Variants in ACSBG1 observed in about 807,000 individuals in gnomAD.
ACSBG1 encodes the protein long-chain-fatty-acid--CoA ligase ACSBG1.
Under a neutral mutation model 80.2 loss-of-function variants are expected in ACSBG1, and 39 were observed. That is an observed-to-expected ratio of 0.49 (90% confidence interval 0.38 to 0.64). ACSBG1 has a LOEUF of 0.64. ACSBG1 is among the 30% of genes least tolerant of loss of function. ACSBG1 has a pLI of 0.00. For synonymous variants in ACSBG1, 392 were observed against 379.5 expected (o/e 1.03, Z -0.38); for missense variants, 828 against 966.4 (o/e 0.86, Z 1.90).
rs186658094 is a variant in ACSBG1 at position 78,202,335 on chromosome 15, C to T, written c.232+5667G>A. Among the ~76,000 whole-genome samples the T allele has an allele frequency of 3.8e-4, 58 of 152,226 alleles. 1 individual carries two copies. In the East Asian group the frequency reaches 0.011, roughly 28 times the overall value. ...AAGCGATTCCCCCGCCTCAGCCTCC[C>T]GAGTAGCTGGGACTACAGGTGCGTG... On this transcript the variant is annotated intron_variant, in intron 2 of 13. Transcript: ENST00000258873.
At position 78,173,112 on chromosome 15, in the gene ACSBG1, G is replaced by A. The variant is rs555106407; in HGVS notation, c.2089+481C>T. ...TGTAATCCCAGCACTTTGGGAGGCC[G>A]AGGCGGGCGGATCACCTGAGGTCGG... On this transcript the variant is annotated intron_variant, in intron 13 of 13. Coordinates refer to ENST00000258873, the MANE Select transcript of ACSBG1 (RefSeq NM_015162.5). Among the ~76,000 whole-genome samples, 30 of 152,168 alleles carry A rather than the reference G, an allele frequency of 2.0e-4. 1 individual carries two copies. In the South Asian group the frequency reaches 5.8e-3, roughly 29 times the overall value.
chr15:78,217,688 C>T (rs2075323640), intron 1 of ACSBG1, among the ~76,000 whole-genome samples: 1 of 151,844 alleles, frequency 6.6e-6, no homozygotes, highest in African/African-American at 2.4e-5. Flanking sequence ...TGCCTCAGCT[C>T]CCCGAGTAGC....
intron 2 of ACSBG1, among the ~76,000 whole-genome samples, chr15:78,203,556 G>C (rs975597886): frequency 6.6e-6 from 1 of 152,130 alleles, no homozygotes; most frequent in African/African-American, 2.4e-5. Flanking sequence ...ACTTGTCTTG[G>C]CCTGACCCTG....
intron 2 of ACSBG1, among the ~76,000 whole-genome samples, chr15:78,198,170 G>A (rs28377967): frequency 0.015 from 2,275 of 152,046 alleles, 57 homozygotes; most frequent in African/African-American, 0.052. Flanking sequence ...CCGAGTAGCT[G>A]GGACTACAGG....
At chr15:78,215,177 T>C (rs2075297524) in intron 1 of ACSBG1, among the ~76,000 whole-genome samples, 1 of 152,210 alleles carries the variant, frequency 6.6e-6, no homozygotes, top group African/African-American at 2.4e-5. Flanking sequence ...TCCTTTGTCC[T>C]GAAGAGCTAA....
At chr15:78,220,567 C>A (rs564484884) in intron 1 of ACSBG1, among the ~76,000 whole-genome samples, 1 of 152,112 alleles carries the variant, frequency 6.6e-6, no homozygotes, top group African/African-American at 2.4e-5. Flanking sequence ...GCAAATCATA[C>A]ATGTGATAAG....
chr15:78,204,972 C>A (rs990921941), intron 2 of ACSBG1, among the ~76,000 whole-genome samples: 6 of 152,164 alleles, frequency 3.9e-5, no homozygotes, highest in Non-Finnish European at 7.3e-5. Context: ...TTCCCAATTG[C>A]AAAAGCTCCT....
chr15:78,214,214 A>G (rs2075290137), intron 1 of ACSBG1, among the ~76,000 whole-genome samples: 1 of 152,192 alleles, frequency 6.6e-6, no homozygotes, highest in South Asian at 2.1e-4. Context: ...AGCCCCCACC[A>G]GCATTTTCCT....
At chr15:78,184,780 T>G (rs890531214) in intron 5 of ACSBG1, among the ~76,000 whole-genome samples, 1 of 152,190 alleles carries the variant, frequency 6.6e-6, no homozygotes. Flanking sequence ...ACAAATAGAA[T>G]AGCTGGGTGG....
intron 1 of ACSBG1, among the ~76,000 whole-genome samples, chr15:78,218,970 C>T (rs753403444): frequency 7.9e-5 from 12 of 151,962 alleles, no homozygotes; most frequent in Admixed American, 1.3e-4. Context: ...CACCACCATG[C>T]CTGGCTAATT....
chr15:78,184,563 A>T (rs980501828), intron 5 of ACSBG1, among the ~76,000 whole-genome samples: 2 of 152,226 alleles, frequency 1.3e-5, no homozygotes, highest in African/African-American at 4.8e-5. Context: ...CCTATAAGGA[A>T]CTAAGATTTT....
intron 1 of ACSBG1, among the ~76,000 whole-genome samples, chr15:78,227,190 G>A (rs1202773044): frequency 8.1e-6 from 1 of 123,886 alleles, no homozygotes; most frequent in Non-Finnish European, 1.6e-5. Context: ...TTGCACTCCA[G>A]CCTGGGTGAC....
At chr15:78,184,628 A>G (rs368734196) in intron 5 of ACSBG1, among the ~76,000 whole-genome samples, 111 of 152,372 alleles carry the variant, frequency 7.3e-4, no homozygotes, top group African/African-American at 2.6e-3. Context: ...ACCTCACAAT[A>G]TAACATTTGA....
intron 1 of ACSBG1, chr15:78,212,683 A>G: frequency 2.3e-6 from 1 of 441,602 alleles, no homozygotes; most frequent in East Asian, 7.1e-5. Flanking sequence ...TCCCCCCGGG[A>G]GAGCCACAGC....
chr15:78,174,714 G>A (rs1336528985), intron 11 of ACSBG1, 190 bp from the exon 12 acceptor site: 16 of 614,122 alleles, frequency 2.6e-5, no homozygotes, highest in Non-Finnish European at 3.9e-5. Context: ...GCAGCACCCC[G>A]ACGACAAATG....
intron 1 of ACSBG1, among the ~76,000 whole-genome samples, chr15:78,214,321 T>A (rs1420565392): frequency 1.3e-5 from 2 of 152,170 alleles, no homozygotes; most frequent in Non-Finnish European, 2.9e-5. Flanking sequence ...CATCTTTAAT[T>A]ATTACCTGCA....
chr15:78,226,785 A>AAAT (rs1555434847), intron 1 of ACSBG1, among the ~76,000 whole-genome samples: 4 of 78,450 alleles, frequency 5.1e-5, no homozygotes, highest in African/African-American at 1.9e-4. Flanking sequence ...CACATAGAAA[A>AAAT]ATATATATAT....
At chr15:78,194,110 A>C in intron 3 of ACSBG1, 90 bp from the exon 4 acceptor site, 5 of 1,270,284 alleles carry the variant, frequency 3.9e-6, no homozygotes, top group Non-Finnish European at 5.7e-6. Context: ...ACTGCAGGGG[A>C]CCTGCAGGCT....
At chr15:78,217,892 G>A (rs1403947615) in intron 1 of ACSBG1, among the ~76,000 whole-genome samples, 4 of 152,084 alleles carry the variant, frequency 2.6e-5, no homozygotes, top group Non-Finnish European at 4.4e-5. Flanking sequence ...TAAACCATGC[G>A]CATATATTAA....
Sources: allele counts gnomAD v4.1 joint callset (sites outside exome capture counted in the v4.1 genomes callset), GRCh38; gene constraint gnomAD v4.1.1; transcripts MANE v1.5; gene names NCBI Gene and HGNC (gene_info 2026-07-23, HGNC 2026-07-21).